Variants in FAM135B observed in about 807,000 individuals in gnomAD.
FAM135B encodes the protein family with sequence similarity 135 member B.
Under a neutral mutation model 127.7 loss-of-function variants are expected in FAM135B, and 43 were observed. The observed-to-expected ratio is 0.34, with a 90% confidence interval of 0.26 to 0.43. FAM135B has a LOEUF of 0.43. FAM135B is among the 20% of genes least tolerant of loss of function. The pLI, the probability that FAM135B is intolerant of heterozygous loss-of-function variation, is 1.00. For missense variants in FAM135B, 1,558 were observed against 1,725.6 expected, an observed-to-expected ratio of 0.90 and a Z score of 1.72; for synonymous variants, 670 against 665.1, an observed-to-expected ratio of 1.01 and a Z score of -0.11.
intron 2 of FAM135B, among the ~76,000 whole-genome samples, chr8:138,350,319 C>A (rs1170257585): frequency 6.6e-6 from 1 of 152,098 alleles, no homozygotes; most frequent in African/African-American, 2.4e-5. Flanking sequence ...AAAAGGAGGC[C>A]AATAGACAAG....
intron 1 of FAM135B, among the ~76,000 whole-genome samples, chr8:138,388,636 C>T (rs578146794): frequency 8.5e-5 from 13 of 152,162 alleles, no homozygotes; most frequent in Non-Finnish European, 1.6e-4. Flanking sequence ...TGAAAAAATG[C>T]CAATCTGAAA....
chr8:138,475,776 G>T (rs1199284873), intron 1 of FAM135B, among the ~76,000 whole-genome samples: 1 of 152,144 alleles, frequency 6.6e-6, no homozygotes, highest in Non-Finnish European at 1.5e-5. Context: ...TTTATTGCTG[G>T]TGGAAATGCA....
chr8:138,204,409 G>A (rs1396081671), intron 7 of FAM135B, among the ~76,000 whole-genome samples: 1 of 152,088 alleles, frequency 6.6e-6, no homozygotes, highest in Non-Finnish European at 1.5e-5. Flanking sequence ...GGAGTAAAAA[G>A]ACATTTTTAC....
At chr8:138,395,761 G>A (rs1342034160) in intron 1 of FAM135B, among the ~76,000 whole-genome samples, 1 of 152,180 alleles carries the variant, frequency 6.6e-6, no homozygotes, top group East Asian at 1.9e-4. Context: ...CCTTAGTTTT[G>A]ACAACTTCTC....
intron 2 of FAM135B, among the ~76,000 whole-genome samples, chr8:138,315,576 C>T (rs918352302): frequency 6.6e-6 from 1 of 151,942 alleles, no homozygotes; most frequent in Non-Finnish European, 1.5e-5. Context: ...AACATAAGTG[C>T]CCAGCAATGA....
At chr8:138,223,590 G>A (rs2130079817) in intron 7 of FAM135B, among the ~76,000 whole-genome samples, 1 of 152,342 alleles carries the variant, frequency 6.6e-6, no homozygotes, top group South Asian at 2.1e-4. Context: ...GGGAAACTGA[G>A]AAAGATCATG....
intron 2 of FAM135B, among the ~76,000 whole-genome samples, chr8:138,316,320 C>T (rs898521533): frequency 4.0e-5 from 6 of 151,866 alleles, no homozygotes; most frequent in African/African-American, 1.5e-4. Flanking sequence ...TGGTGAAACC[C>T]CGTCTCTACT....
intron 7 of FAM135B, among the ~76,000 whole-genome samples, chr8:138,223,502 G>T (rs150053075): frequency 1.3e-5 from 2 of 152,190 alleles, no homozygotes; most frequent in Admixed American, 1.3e-4. Context: ...GCAGAGTCCT[G>T]TAGGAGCAAC....
intron 1 of FAM135B, among the ~76,000 whole-genome samples, chr8:138,388,366 T>C (rs1049967213): frequency 1.3e-5 from 2 of 152,200 alleles, no homozygotes; most frequent in Non-Finnish European, 2.9e-5. Flanking sequence ...ATACTCTTAC[T>C]ATAAGATCCA....
chr8:138,221,231 G>T (rs1308358829), intron 7 of FAM135B, among the ~76,000 whole-genome samples: 1 of 152,148 alleles, frequency 6.6e-6, no homozygotes, highest in Non-Finnish European at 1.5e-5. Flanking sequence ...CTCAGGAAAC[G>T]TACAATCATG....
At chr8:138,230,223 C>G (rs1819809278) in intron 7 of FAM135B, among the ~76,000 whole-genome samples, 1 of 152,164 alleles carries the variant, frequency 6.6e-6, no homozygotes. Flanking sequence ...ATCTATTTCA[C>G]TCTTTTTCCA....
chr8:138,171,250 G>A (rs1820412689), intron 11 of FAM135B, among the ~76,000 whole-genome samples: 1 of 152,156 alleles, frequency 6.6e-6, no homozygotes, highest in African/African-American at 2.4e-5. Context: ...ACAGATCCTG[G>A]TAACAAAAAT....
intron 2 of FAM135B, among the ~76,000 whole-genome samples, chr8:138,364,099 G>A (rs1333807259): frequency 1.3e-5 from 2 of 152,064 alleles, no homozygotes; most frequent in Non-Finnish European, 2.9e-5. Flanking sequence ...GCTACCCTGG[G>A]GCCCCACCTT....
rs1254255112 is a variant in FAM135B at position 138,496,989 on chromosome 8, C to T, written c.-338G>A. Among the ~76,000 whole-genome samples, 1 of 152,008 alleles carries T rather than the reference C, an allele frequency of 6.6e-6. No individual in the cohort carries two copies. Among genetic ancestry groups the T allele is most frequent in the African/African-American group, 2.4e-5 (1 of 41,420 alleles). On this transcript the variant is annotated 5_prime_UTR_variant, in exon 1 of 20. Coordinates refer to ENST00000395297, the MANE Select transcript of FAM135B (RefSeq NM_015912.4). ...TCCGGGCAGCCCCAGCGAGCAGGCGCCAGGACGCGAGGCTGTCAGCGCGGT... is the reference window on the plus strand; with the variant it reads ...TCCGGGCAGCCCCAGCGAGCAGGCGTCAGGACGCGAGGCTGTCAGCGCGGT...
chr8:138,134,621 G>A (rs927427730), intron 19 of FAM135B, among the ~76,000 whole-genome samples: 1 of 152,088 alleles, frequency 6.6e-6, no homozygotes, highest in African/African-American at 2.4e-5. Context: ...GTTATGTGAA[G>A]TCAGAGAGGT....
intron 2 of FAM135B, among the ~76,000 whole-genome samples, chr8:138,351,151 C>T (rs1013203618): frequency 6.6e-6 from 1 of 152,190 alleles, no homozygotes; most frequent in African/African-American, 2.4e-5. Context: ...ACAAAACTAG[C>T]AGATGTCACC....
chr8:138,293,324 T>A (rs1280200624), intron 3 of FAM135B, among the ~76,000 whole-genome samples: 1 of 152,084 alleles, frequency 6.6e-6, no homozygotes, highest in East Asian at 1.9e-4. Context: ...GAAAAACTCT[T>A]CTGGACATTG....
intron 1 of FAM135B, among the ~76,000 whole-genome samples, chr8:138,443,629 A>G (rs1440730966): frequency 6.6e-6 from 1 of 152,226 alleles, no homozygotes; most frequent in African/African-American, 2.4e-5. Context: ...TGACTGAGGG[A>G]CAAGGGCTGT....
intron 1 of FAM135B, among the ~76,000 whole-genome samples, chr8:138,369,623 C>CAA (rs1293337394): frequency 6.6e-6 from 1 of 152,162 alleles, no homozygotes; most frequent in Non-Finnish European, 1.5e-5. Flanking sequence ...ACCCATTTCC[C>CAA]AATGAAGAGC....
Sources: gnomAD v4.1 joint callset for allele counts (sites outside exome capture counted in the v4.1 genomes callset) on GRCh38, gnomAD v4.1.1 for gene constraint, MANE v1.5 for transcripts, NCBI Gene and HGNC (gene_info 2026-07-23, HGNC 2026-07-21) for gene names.